Variants in SCAF8 observed in about 807,000 individuals in gnomAD.
SCAF8 encodes SR-related CTD associated factor 8, also known as SR-related and CTD-associated factor 8.
Under a neutral mutation model 140.5 loss-of-function variants are expected in SCAF8, and 23 were observed. The ratio of observed to expected loss-of-function variants is 0.16; its 90% CI spans 0.12 to 0.23. The LOEUF is 0.23. Among genes scored for constraint, SCAF8 ranks in the 10% least tolerant of loss-of-function variants. SCAF8 has a pLI of 1.00. For missense variants in SCAF8, 1,397 were observed against 1,555.7 expected (o/e 0.90, Z 1.72); for synonymous variants, 575 against 528.9 (o/e 1.09, Z -1.20).
intron 16 of SCAF8, 32 bp from the exon 17 acceptor site, chr6:154,824,202 G>A: frequency 6.2e-7 from 1 of 1,609,258 alleles, no homozygotes; most frequent in South Asian, 1.1e-5. Flanking sequence ...TGAATAAACT[G>A]ATGAGTGAAC....
intron 1 of SCAF8, among the ~76,000 whole-genome samples, chr6:154,760,803 A>G (rs1387596722): frequency 6.6e-6 from 1 of 152,086 alleles, no homozygotes; most frequent in African/African-American, 2.4e-5. Context: ...AAATTTTTTT[A>G]GAGACCGTCT....
At chr6:154,811,901 G>GTGT (rs1283724273) in intron 12 of SCAF8, among the ~76,000 whole-genome samples, 1 of 152,122 alleles carries the variant, frequency 6.6e-6, no homozygotes, top group Admixed American at 6.6e-5. Context: ...GTATTCCATA[G>GTGT]TGTATATGTG....
chr6:154,825,492 A>T (rs1204200449), intron 17 of SCAF8, among the ~76,000 whole-genome samples: 1 of 151,496 alleles, frequency 6.6e-6, no homozygotes, highest in African/African-American at 2.4e-5. Flanking sequence ...CCAGGAACAG[A>T]GTGACACCCT....
At chr6:154,808,596 A>G in intron 10 of SCAF8, 90 bp from the exon 11 acceptor site, 9 of 823,320 alleles carry the variant, frequency 1.1e-5, no homozygotes, top group Non-Finnish European at 1.8e-5. Context: ...TAATGCTCCC[A>G]TCGTCAATAT....
At chr6:154,831,660 T>G (rs1472452335) in intron 19 of SCAF8, among the ~76,000 whole-genome samples, 1 of 146,498 alleles carries the variant, frequency 6.8e-6, no homozygotes, top group Non-Finnish European at 1.5e-5. Flanking sequence ...TTTCTTTCCT[T>G]TCTTTCCTGT....
At chr6:154,766,800 G>A (rs1278807181) in intron 1 of SCAF8, among the ~76,000 whole-genome samples, 1 of 151,472 alleles carries the variant, frequency 6.6e-6, no homozygotes, top group African/African-American at 2.4e-5. Context: ...TGTGCTTCAC[G>A]GGTTTCAAAG....
chr6:154,828,623 G>A (rs1384844467), intron 18 of SCAF8, among the ~76,000 whole-genome samples: 1 of 152,004 alleles, frequency 6.6e-6, no homozygotes, highest in Non-Finnish European at 1.5e-5. Context: ...TTTTGGCCCA[G>A]TATATCCCAG....
intron 2 of SCAF8, among the ~76,000 whole-genome samples, chr6:154,777,187 G>GAA (rs113761597): frequency 7.1e-6 from 1 of 141,638 alleles, no homozygotes; most frequent in African/African-American, 2.6e-5. Flanking sequence ...TCTCCAAGGG[G>GAA]AAAAAAAAAA....
At chr6:154,760,392 T>A (rs1372664254) in intron 1 of SCAF8, among the ~76,000 whole-genome samples, 1 of 152,212 alleles carries the variant, frequency 6.6e-6, no homozygotes, top group Non-Finnish European at 1.5e-5. Context: ...TTAGATAGAT[T>A]TAATCTTGCT....
rs1778326746 is a variant in SCAF8, at chr6:154,733,747, T to A, written c.-154T>A. 7.5e-7 allele frequency: 1 copy of A among 1,335,626 alleles called. No individual in the cohort carries two copies. Among genetic ancestry groups the A allele is most frequent in the Non-Finnish European group, 9.6e-7 (1 of 1,046,810 alleles). 82.7% of individuals were successfully genotyped at this position (1,335,626 alleles called of 1,614,324 possible). On this transcript the variant is annotated 5_prime_UTR_variant, in exon 1 of 20. Coordinates refer to ENST00000367178, the MANE Select transcript of SCAF8 (RefSeq NM_014892.5). ...GAGGGAGCCCTTCCCCGCCAGCGCG[T>A]GCCCTTCCACTCCGCCCCGAGGTCG...
intron 1 of SCAF8, chr6:154,742,015 C>T (rs1778583215): frequency 6.5e-7 from 1 of 1,531,052 alleles, no homozygotes; most frequent in African/African-American, 1.4e-5. Flanking sequence ...ACACAAGAAG[C>T]ATAGTAAGAT....
intron 18 of SCAF8, among the ~76,000 whole-genome samples, chr6:154,828,512 A>G (rs1583072823): frequency 1.3e-5 from 2 of 150,540 alleles, no homozygotes; most frequent in Non-Finnish European, 3.0e-5. Flanking sequence ...ACTTCTAGTC[A>G]GTTGCATTTT....
chr6:154,770,369 TACAC>T (rs1226898910), intron 1 of SCAF8, among the ~76,000 whole-genome samples: 19 of 146,362 alleles, frequency 1.3e-4, no homozygotes, highest in Non-Finnish European at 2.6e-4. Flanking sequence ...GAGGTTGAGG[TACAC>T]ACACACACAC....
intron 6 of SCAF8, among the ~76,000 whole-genome samples, chr6:154,799,566 A>C (rs900413498): frequency 6.6e-6 from 1 of 151,142 alleles, no homozygotes; most frequent in African/African-American, 2.4e-5. Context: ...CCCTGGTTTT[A>C]TATTATCCTT....
chr6:154,748,662 A>G (rs1368488614), intron 1 of SCAF8, among the ~76,000 whole-genome samples: 1 of 152,238 alleles, frequency 6.6e-6, no homozygotes, highest in Non-Finnish European at 1.5e-5. Flanking sequence ...TTGAACAAGA[A>G]ATTCCAAATC....
chr6:154,739,480 C>A (rs1352799168), intron 1 of SCAF8, among the ~76,000 whole-genome samples: 1 of 152,126 alleles, frequency 6.6e-6, no homozygotes, highest in Non-Finnish European at 1.5e-5. Flanking sequence ...TGATCTATTT[C>A]TCTTGCTGCT....
intron 1 of SCAF8, among the ~76,000 whole-genome samples, chr6:154,734,252 C>G (rs1471213083): frequency 1.3e-5 from 2 of 152,174 alleles, no homozygotes; most frequent in African/African-American, 2.4e-5. Flanking sequence ...GAGGTCAGTT[C>G]CGCCGAGGCC....
At chr6:154,831,544 T>C (rs1778734001) in intron 19 of SCAF8, among the ~76,000 whole-genome samples, 1 of 152,016 alleles carries the variant, frequency 6.6e-6, no homozygotes, top group Non-Finnish European at 1.5e-5. Flanking sequence ...ATATGGTGTT[T>C]GAAAGCAGTA....
chr6:154,822,427 G>A lies in SCAF8; in HGVS notation c.1926+18G>A. 2 of 1,436,266 alleles carry A rather than the reference G, an allele frequency of 1.4e-6. No homozygotes were observed. The highest frequency in any genetic ancestry group is 1.5e-5 in the African/African-American group (1 of 68,216). The allele number at this position is 1,436,266 out of a possible 1,614,324, so 89.0% of individuals were successfully genotyped here. Reference sequence around the variant, plus strand: ...TGTTGCAGGTTAGTGTTGAAGTGGGGTTTTTTTTTTCTTGTGTTGTTTTAC... The same window carrying A: ...TGTTGCAGGTTAGTGTTGAAGTGGGATTTTTTTTTTCTTGTGTTGTTTTAC... On this transcript the variant is annotated intron_variant, in intron 16 of 19. Transcript: ENST00000367178.
Sources: gnomAD v4.1 joint callset for allele counts (sites outside exome capture counted in the v4.1 genomes callset) on GRCh38, gnomAD v4.1.1 for gene constraint, MANE v1.5 for transcripts, NCBI Gene and HGNC (gene_info 2026-07-23, HGNC 2026-07-21) for gene names.